The following SLC24A3 variants were observed in gnomAD, a reference collection of about 807,000 sequenced individuals.
The protein encoded by SLC24A3 is solute carrier family 24 member 3.
In SLC24A3, 28 loss-of-function variants were observed where a neutral mutation model predicts 75.8. The observed-to-expected ratio is 0.37, with a 90% CI of 0.27 to 0.51. The LOEUF is 0.51. SLC24A3 is among the 20% of genes least tolerant of loss of function. SLC24A3 has a pLI of 0.94. For missense variants in SLC24A3, 663 were observed against 847.8 expected, an observed-to-expected ratio of 0.78 and a Z score of 2.71; for synonymous variants, 372 against 334.1, an observed-to-expected ratio of 1.11 and a Z score of -1.24.
At chr20:19,477,473 AG>A (rs1472842388) in intron 2 of SLC24A3, among the ~76,000 whole-genome samples, 2 of 152,244 alleles carry the variant, frequency 1.3e-5, no homozygotes, top group Non-Finnish European at 2.9e-5. Context: ...TTTTAATAGC[AG>A]ATAAAGTCAT....
intron 2 of SLC24A3, among the ~76,000 whole-genome samples, chr20:19,305,581 G>A (rs890251286): frequency 1.6e-4 from 25 of 151,934 alleles, no homozygotes; most frequent in Admixed American, 9.2e-4. Flanking sequence ...TAGACCAATG[G>A]AACAGGATAG....
chr20:19,546,744 C>T lies in SLC24A3; in HGVS notation c.348+31180C>T, dbSNP rs533571526. Among the ~76,000 whole-genome samples, 5 of 150,938 alleles carry T rather than the reference C, an allele frequency of 3.3e-5. No individual in the cohort carries two copies. In the East Asian group the frequency reaches 9.9e-4, roughly 30 times the overall value. On this transcript the variant is annotated intron_variant, in intron 3 of 16. Transcript: ENST00000328041. ...TCTGCTCATGGGAGTAAATCCAGAACTTGCCTTCCCAACCTGGTTTCTGCC... is the reference window on the plus strand; with the variant it reads ...TCTGCTCATGGGAGTAAATCCAGAATTTGCCTTCCCAACCTGGTTTCTGCC...
chr20:19,721,715 G>A lies in SLC24A3; in HGVS notation c.*575G>A, dbSNP rs2122184209. On this transcript the variant is annotated 3_prime_UTR_variant, in exon 17 of 17. Transcript: ENST00000328041. The stretch of plus-strand genomic sequence containing the variant: ...TTGCATCTTCTTCCACTGGGCTCTG[G>A]ATTAATCAATTACCCAAAGGCTGCA... 2 of 153,312 alleles carry A rather than the reference G, an allele frequency of 1.3e-5. No homozygotes were observed. Among genetic ancestry groups the A allele is most frequent in the Middle Eastern group, 3.4e-3 (1 of 296 alleles). The allele number at this position is 153,312 out of a possible 1,614,324, so 9.5% of individuals were successfully genotyped here. A position where few individuals can be genotyped will look rare whatever the true frequency, so the allele number is the denominator to read the frequency against.
intron 3 of SLC24A3, among the ~76,000 whole-genome samples, chr20:19,578,968 G>A (rs1234847275): frequency 6.6e-6 from 1 of 152,108 alleles, no homozygotes; most frequent in African/African-American, 2.4e-5. Flanking sequence ...TCCACAGCAA[G>A]CAACAGAGGG....
intron 6 of SLC24A3, among the ~76,000 whole-genome samples, chr20:19,626,468 GT>G (rs1164756242): frequency 3.3e-5 from 5 of 152,338 alleles, no homozygotes; most frequent in African/African-American, 1.2e-4. Flanking sequence ...AGAAAAGGGT[GT>G]TGAGTTGAAC....
intron 1 of SLC24A3, among the ~76,000 whole-genome samples, chr20:19,239,766 G>A (rs1005173506): frequency 2.6e-5 from 4 of 152,334 alleles, no homozygotes; most frequent in Admixed American, 1.3e-4. Context: ...GGTCCCCCTC[G>A]ATGGCTTTGC....
At chr20:19,710,004 C>G (rs1049423160) in intron 15 of SLC24A3, among the ~76,000 whole-genome samples, 1 of 152,072 alleles carries the variant, frequency 6.6e-6, no homozygotes, top group African/African-American at 2.4e-5. Context: ...TTTAATTGTT[C>G]AAACAAAGAG....
chr20:19,576,395 G>T (rs1005786848), intron 3 of SLC24A3, among the ~76,000 whole-genome samples: 2 of 152,090 alleles, frequency 1.3e-5, no homozygotes, highest in African/African-American at 4.8e-5. Flanking sequence ...CTCTTTGCTT[G>T]TGCTGCAGGA....
intron 6 of SLC24A3, among the ~76,000 whole-genome samples, chr20:19,612,767 C>T (rs771215328): frequency 5.1e-4 from 78 of 152,176 alleles, no homozygotes; most frequent in Non-Finnish European, 7.5e-4. Context: ...CAGGGCTCTC[C>T]CTGTTTCTTT....
intron 15 of SLC24A3, among the ~76,000 whole-genome samples, chr20:19,706,787 C>A (rs1199453503): frequency 6.6e-6 from 1 of 152,138 alleles, no homozygotes; most frequent in East Asian, 1.9e-4. Flanking sequence ...TGGAGCCTGA[C>A]AAGACTGATG....
chr20:19,604,203 G>A (rs374272902), intron 6 of SLC24A3, among the ~76,000 whole-genome samples: 2 of 151,600 alleles, frequency 1.3e-5, no homozygotes, highest in African/African-American at 4.9e-5. Context: ...GGAGTGGTCT[G>A]AAGAGAGTAA....
chr20:19,442,752 C>T (rs1451991532), intron 2 of SLC24A3, among the ~76,000 whole-genome samples: 1 of 152,106 alleles, frequency 6.6e-6, no homozygotes, highest in Non-Finnish European at 1.5e-5. Flanking sequence ...TATGTTGCAT[C>T]TGAAAAATCA....
chr20:19,263,273 C>G (rs1000831601), intron 1 of SLC24A3, among the ~76,000 whole-genome samples: 1 of 152,088 alleles, frequency 6.6e-6, no homozygotes, highest in Non-Finnish European at 1.5e-5. Flanking sequence ...GAGAAGGAAG[C>G]AGAAAGCCAC....
chr20:19,488,699 TA>T (rs1348248961), intron 2 of SLC24A3, among the ~76,000 whole-genome samples: 1 of 152,216 alleles, frequency 6.6e-6, no homozygotes, highest in African/African-American at 2.4e-5. Flanking sequence ...GATTTTTTTT[TA>T]TTTTGAAATA....
intron 2 of SLC24A3, among the ~76,000 whole-genome samples, chr20:19,509,912 T>C (rs901070266): frequency 6.6e-6 from 1 of 152,222 alleles, no homozygotes; most frequent in Admixed American, 6.5e-5. Flanking sequence ...GCCCCACATT[T>C]CCAGATTCCC....
At chr20:19,239,132 A>AT (rs1201559360) in intron 1 of SLC24A3, among the ~76,000 whole-genome samples, 2 of 150,828 alleles carry the variant, frequency 1.3e-5, no homozygotes, top group African/African-American at 2.4e-5. Context: ...AAAAAAAAAA[A>AT]AAAAAACAAC....
chr20:19,466,845 TCC>T (rs1987774092), intron 2 of SLC24A3, among the ~76,000 whole-genome samples: 1 of 152,196 alleles, frequency 6.6e-6, no homozygotes, highest in South Asian at 2.1e-4. Context: ...TGAAAAGACC[TCC>T]CACTCAGAAA....
At chr20:19,346,128 A>ATATATATGGTG (rs1985401552) in intron 2 of SLC24A3, among the ~76,000 whole-genome samples, 1 of 101,498 alleles carries the variant, frequency 9.9e-6, no homozygotes, top group East Asian at 2.7e-4. Context: ...GTGTGTGTAT[A>ATATATATGGTG]TATATATATG....
chr20:19,466,606 T>G (rs1320709275), intron 2 of SLC24A3, among the ~76,000 whole-genome samples: 1 of 152,184 alleles, frequency 6.6e-6, no homozygotes, highest in Admixed American at 6.5e-5. Flanking sequence ...GATGGAAGTG[T>G]CCGATTTCCA....
Sources: gnomAD v4.1 joint callset for allele counts (sites outside exome capture counted in the v4.1 genomes callset) on GRCh38, gnomAD v4.1.1 for gene constraint, MANE v1.5 for transcripts, NCBI Gene and HGNC (gene_info 2026-07-23, HGNC 2026-07-21) for gene names.